The following WTAP variants were observed in gnomAD, a reference collection of about 807,000 sequenced individuals.
WTAP encodes WT1 associated protein, also known as pre-mRNA-splicing regulator WTAP.
WTAP carries 8 observed loss-of-function variants against 50.0 expected under a neutral mutation model. The ratio of observed to expected loss-of-function variants is 0.16; its 90% CI spans 0.09 to 0.29. The LOEUF is 0.29. Among genes scored for constraint, WTAP ranks in the 10% least tolerant of loss-of-function variants. WTAP has a pLI of 1.00. For synonymous variants in WTAP, 194 were observed against 169.0 expected (o/e 1.15, Z -1.15); for missense variants, 295 against 470.7 (o/e 0.63, Z 3.45).
chr6:159,752,862 T>C (rs1301789800), intron 6 of WTAP, among the ~76,000 whole-genome samples: 1 of 152,176 alleles, frequency 6.6e-6, no homozygotes, highest in Non-Finnish European at 1.5e-5. Flanking sequence ...ACCTCAGCCT[T>C]TCCAGAGGCT....
chr6:159,755,933 C>G lies in WTAP; in HGVS notation c.*322C>G. Reference sequence around the variant, plus strand: ...GGAAATTTTTCCTTAAAATACAACACAATGATGTCTGTATAAATCTGTCTG... The same window carrying G: ...GGAAATTTTTCCTTAAAATACAACAGAATGATGTCTGTATAAATCTGTCTG... On this transcript the variant is annotated 3_prime_UTR_variant, in exon 8 of 8. Transcript: ENST00000621533. 4.0e-6 allele frequency: 1 copy of G among 252,260 alleles called. No individual in the cohort carries two copies. Among genetic ancestry groups the G allele is most frequent in the Non-Finnish European group, 7.4e-6 (1 of 134,938 alleles). 15.6% of individuals were successfully genotyped at this position (252,260 alleles called of 1,614,324 possible).
rs140439442 is a variant in WTAP, at chr6:159,755,519, G to A, written c.1099G>A (p.Ala367Thr). ...DSSHDPQEEKAVSGKGNRTVG... is the reference protein window; with the variant it reads ...DSSHDPQEEKTVSGKGNRTVG... ...CAGTCATGACCCTCAAGAGGAGAAA[G>A]CAGTGAGTGGGAAAGGTAATCGAAC... Residue 367 changes from alanine (A) to threonine (T), a missense_variant, in exon 8 of 8, where the codon GCA becomes ACA. This residue lies in a region of WTAP where 175 missense variants were observed against 183.1 expected (regional missense o/e 0.96). Transcript: ENST00000621533. 119 of 1,614,058 alleles carry A rather than the reference G, an allele frequency of 7.4e-5. No individual in the cohort carries two copies. Among genetic ancestry groups the A allele is most frequent in the Non-Finnish European group, 9.7e-5 (114 of 1,180,042 alleles).
chr6:159,742,785 G>T (rs771735945), intron 4 of WTAP, among the ~76,000 whole-genome samples: 9 of 152,096 alleles, frequency 5.9e-5, no homozygotes, highest in Non-Finnish European at 1.2e-4. Context: ...GCTAGGCACA[G>T]TGGCTCACAC....
chr6:159,727,539 A>C lies in WTAP; in HGVS notation c.-173A>C, dbSNP rs1778262801. Reference sequence around the variant, plus strand: ...GCGCCATTTTGTGGCAGCGAGACCCACAAATAAAGGGGAGCGCAGGGGTTG... The same window carrying C: ...GCGCCATTTTGTGGCAGCGAGACCCCCAAATAAAGGGGAGCGCAGGGGTTG... On this transcript the variant is annotated 5_prime_UTR_variant, in exon 1 of 8. Coordinates refer to ENST00000621533, the MANE Select transcript of WTAP (RefSeq NM_001270531.2). The C allele has an allele frequency of 5.0e-6, 5 of 991,202 alleles. No homozygotes were observed. Among genetic ancestry groups the C allele is most frequent in the Non-Finnish European group, 6.0e-6 (5 of 834,546 alleles). 61.4% of individuals were successfully genotyped at this position (991,202 alleles called of 1,614,324 possible). A position where few individuals can be genotyped will look rare whatever the true frequency, so the allele number is the denominator to read the frequency against.
intron 1 of WTAP, among the ~76,000 whole-genome samples, chr6:159,730,130 AATTT>A (rs151035098): frequency 6.6e-6 from 1 of 152,290 alleles, no homozygotes; most frequent in East Asian, 1.9e-4. Context: ...CCTTACCCCC[AATTT>A]ATTAATTAAT....
chr6:159,740,387 T>G (rs540762232), intron 3 of WTAP, among the ~76,000 whole-genome samples: 1 of 152,356 alleles, frequency 6.6e-6, no homozygotes, highest in South Asian at 2.1e-4. Flanking sequence ...CATGTAAGAC[T>G]TTTAGGCGAG....
chr6:159,746,840 G>A (rs1045193042), intron 5 of WTAP, among the ~76,000 whole-genome samples: 2 of 152,076 alleles, frequency 1.3e-5, no homozygotes, highest in African/African-American at 2.4e-5. Context: ...ATTCTAGTCT[G>A]ATTCACCTCT....
At chr6:159,727,377 C>CAGGAGGCGGGAGGCGGGAGGA, upstream of WTAP, 1 of 536,502 alleles carries the variant, frequency 1.9e-6, no homozygotes, top group Non-Finnish European at 2.6e-6. Flanking sequence ...GGGAGGCTGG[C>CAGGAGGCGGGAGGCGGGAGGA]GGGAGGCGGG....
intron 5 of WTAP, among the ~76,000 whole-genome samples, chr6:159,746,981 T>C (rs1779613642): frequency 6.6e-6 from 1 of 152,202 alleles, no homozygotes; most frequent in Admixed American, 6.5e-5. Flanking sequence ...CATGGTTTAT[T>C]CTCGCTCTGT....
At chr6:159,726,955 GT>G (rs773206996), upstream of WTAP, 184 of 1,287,308 alleles carry the variant, frequency 1.4e-4, 1 homozygote, top group South Asian at 2.2e-3. Flanking sequence ...ACGGATGAGC[GT>G]CACGAACACA....
At chr6:159,726,751 G>C, upstream of WTAP, 4 of 1,284,960 alleles carry the variant, frequency 3.1e-6, no homozygotes, top group Non-Finnish European at 4.1e-6. Flanking sequence ...TCCTCGATGC[G>C]TCTCCAGAGA....
chr6:159,753,733 T>C (rs1361437293), intron 7 of WTAP, 119 bp downstream of exon 7: 47 of 1,276,822 alleles, frequency 3.7e-5, no homozygotes, highest in Non-Finnish European at 4.2e-6. Context: ...CCTATGATTG[T>C]ATATTATTGT....
chr6:159,752,269 A>G (rs1779847718), intron 6 of WTAP, among the ~76,000 whole-genome samples: 1 of 152,246 alleles, frequency 6.6e-6, no homozygotes, highest in African/African-American at 2.4e-5. Context: ...CCCCAAGGAC[A>G]AGAATGTCAC....
chr6:159,751,696 C>G (rs896334928), intron 6 of WTAP, among the ~76,000 whole-genome samples: 4 of 152,156 alleles, frequency 2.6e-5, no homozygotes, highest in South Asian at 4.1e-4. Context: ...GCAGTAGTAA[C>G]CCAGGTTGAA....
At chr6:159,746,203 C>T (rs1356992893) in intron 5 of WTAP, among the ~76,000 whole-genome samples, 1 of 152,142 alleles carries the variant, frequency 6.6e-6, no homozygotes, top group Non-Finnish European at 1.5e-5. Context: ...TACCCCTGCT[C>T]TAGAGGAACT....
chr6:159,735,578 G>A (rs1439726035), intron 1 of WTAP, among the ~76,000 whole-genome samples: 2 of 152,034 alleles, frequency 1.3e-5, no homozygotes, highest in East Asian at 1.9e-4. Flanking sequence ...GTGAAACCCC[G>A]TCTCTACTAA....
intron 1 of WTAP, among the ~76,000 whole-genome samples, chr6:159,730,442 G>C (rs563019847): frequency 7.3e-5 from 11 of 151,564 alleles, no homozygotes; most frequent in Non-Finnish European, 1.3e-4. Context: ...TGTCATTTGC[G>C]CTAAAAAAAA....
chr6:159,727,825 C>A, intron 1 of WTAP, 122 bp downstream of exon 1: 1 of 681,192 alleles, frequency 1.5e-6, no homozygotes, highest in Non-Finnish European at 1.8e-6. Context: ...GGGCCTGGTG[C>A]GGCACCGGTC....
chr6:159,728,110 C>A (rs528877918), intron 1 of WTAP, among the ~76,000 whole-genome samples: 8 of 152,372 alleles, frequency 5.3e-5, no homozygotes, highest in Admixed American at 4.6e-4. Flanking sequence ...AAGAAACATT[C>A]GTTCCCTACA....
Sources: allele counts gnomAD v4.1 joint callset (sites outside exome capture counted in the v4.1 genomes callset), GRCh38; gene constraint gnomAD v4.1.1; regional missense constraint gnomAD v4.1.1; transcripts MANE v1.5; gene names NCBI Gene and HGNC (gene_info 2026-07-23, HGNC 2026-07-21).